Variants in SPOCK1 observed in about 807,000 individuals in gnomAD.
SPOCK1 encodes SPARC (osteonectin), cwcv and kazal like domains proteoglycan 1, also known as testican-1.
In SPOCK1, 23 loss-of-function variants were observed where a neutral mutation model predicts 55.3. The observed-to-expected ratio is 0.42, with a 90% confidence interval of 0.30 to 0.59. The LOEUF (loss-of-function observed/expected upper bound fraction) is 0.59. Among genes scored for constraint, SPOCK1 ranks in the 20% least tolerant of loss-of-function variants. SPOCK1 has a pLI of 0.22. For missense variants in SPOCK1, 499 were observed against 552.5 expected (o/e 0.90, Z 0.97); for synonymous variants, 226 against 221.0 (o/e 1.02, Z -0.20).
At chr5:137,069,817 AT>A (rs1376285327) in intron 5 of SPOCK1, among the ~76,000 whole-genome samples, 1 of 152,196 alleles carries the variant, frequency 6.6e-6, no homozygotes, top group African/African-American at 2.4e-5. Flanking sequence ...GGGAACAAAT[AT>A]ATTTTTATGT....
intron 3 of SPOCK1, among the ~76,000 whole-genome samples, chr5:137,238,984 G>C (rs1007960893): frequency 6.6e-6 from 1 of 152,158 alleles, no homozygotes; most frequent in African/African-American, 2.4e-5. Context: ...AGCATCTTTT[G>C]GTATTCACAG....
chr5:137,477,201 G>A (rs1205303882), intron 2 of SPOCK1, among the ~76,000 whole-genome samples: 2 of 152,130 alleles, frequency 1.3e-5, no homozygotes, highest in South Asian at 4.1e-4. Context: ...ATTTTAAAAC[G>A]AAGGGGGCAT....
chr5:137,309,735 T>G (rs1393413708), intron 2 of SPOCK1, among the ~76,000 whole-genome samples: 2 of 152,096 alleles, frequency 1.3e-5, no homozygotes, highest in Admixed American at 1.3e-4. Flanking sequence ...CGCTGAGCTC[T>G]AAGTTAAGGC....
intron 2 of SPOCK1, among the ~76,000 whole-genome samples, chr5:137,428,457 C>T (rs966399484): frequency 6.6e-5 from 10 of 152,046 alleles, no homozygotes; most frequent in East Asian, 3.9e-4. Flanking sequence ...GCAACTCCAC[C>T]GACTCTTCCT....
chr5:137,177,553 A>G (rs1419289918), intron 3 of SPOCK1, among the ~76,000 whole-genome samples: 1 of 152,062 alleles, frequency 6.6e-6, no homozygotes, highest in African/African-American at 2.4e-5. Flanking sequence ...ATCAGAATAC[A>G]TGCTTCAGGA....
chr5:137,484,911 T>C (rs558907420), intron 2 of SPOCK1, among the ~76,000 whole-genome samples: 2 of 152,252 alleles, frequency 1.3e-5, no homozygotes, highest in Admixed American at 6.5e-5. Flanking sequence ...TGTTGTGTTG[T>C]TACATGAAAA....
At chr5:137,229,224 G>A (rs1756004022) in intron 3 of SPOCK1, among the ~76,000 whole-genome samples, 2 of 152,034 alleles carry the variant, frequency 1.3e-5, no homozygotes, top group South Asian at 4.1e-4. Context: ...TAAGATAAAG[G>A]GGAGAAAAAA....
chr5:137,216,203 G>T (rs1755712713), intron 3 of SPOCK1, among the ~76,000 whole-genome samples: 1 of 152,162 alleles, frequency 6.6e-6, no homozygotes, highest in Non-Finnish European at 1.5e-5. Context: ...AGCAGGTGAA[G>T]GCTGTCTTGA....
chr5:137,026,096 A>T (rs575491717), intron 6 of SPOCK1, among the ~76,000 whole-genome samples: 2 of 152,374 alleles, frequency 1.3e-5, no homozygotes, highest in South Asian at 4.1e-4. Flanking sequence ...ACCTGAGGTC[A>T]TCTAGCTCTC....
chr5:137,136,487 C>T (rs1010687658), intron 4 of SPOCK1, among the ~76,000 whole-genome samples: 3 of 152,012 alleles, frequency 2.0e-5, no homozygotes, highest in Admixed American at 6.6e-5. Context: ...TTTTTATATG[C>T]AATATAGGAA....
At chr5:137,217,335 G>C (rs1755737465) in intron 3 of SPOCK1, among the ~76,000 whole-genome samples, 1 of 152,186 alleles carries the variant, frequency 6.6e-6, no homozygotes, top group Admixed American at 6.5e-5. Flanking sequence ...GTGCTGGGCA[G>C]CACTAAGCCA....
intron 2 of SPOCK1, among the ~76,000 whole-genome samples, chr5:137,400,167 C>T (rs563174453): frequency 2.0e-4 from 31 of 152,246 alleles, no homozygotes; most frequent in Middle Eastern, 3.4e-3. Context: ...CATAAGGTTG[C>T]GATCACTGTA....
chr5:137,442,278 G>A (rs371000075), intron 2 of SPOCK1, among the ~76,000 whole-genome samples: 3 of 152,140 alleles, frequency 2.0e-5, no homozygotes, highest in East Asian at 1.9e-4. Flanking sequence ...GTTCGGGGAC[G>A]GGGGAGCGGG....
At chr5:137,188,912 C>A (rs769385701) in intron 3 of SPOCK1, among the ~76,000 whole-genome samples, 1 of 152,206 alleles carries the variant, frequency 6.6e-6, no homozygotes, top group Non-Finnish European at 1.5e-5. Context: ...CCGAAACAGC[C>A]TTATTGCTGG....
At chr5:137,454,865 T>C (rs1193662046) in intron 2 of SPOCK1, among the ~76,000 whole-genome samples, 5 of 152,224 alleles carry the variant, frequency 3.3e-5, no homozygotes, top group African/African-American at 4.8e-5. Context: ...TGCTTTTAGA[T>C]GCCAGCTTTT....
chr5:137,355,947 G>A (rs1367333971), intron 2 of SPOCK1, among the ~76,000 whole-genome samples: 5 of 152,154 alleles, frequency 3.3e-5, no homozygotes, highest in South Asian at 2.1e-4. Context: ...AGGAGAACCC[G>A]CTCCTCCTGG....
intron 5 of SPOCK1, among the ~76,000 whole-genome samples, chr5:137,106,817 C>A (rs1164254006): frequency 2.0e-5 from 3 of 152,204 alleles, no homozygotes; most frequent in Non-Finnish European, 2.9e-5. Flanking sequence ...GTGGCCCCTG[C>A]AAAATGTGGC....
At chr5:137,184,727 A>C (rs976161718) in intron 3 of SPOCK1, among the ~76,000 whole-genome samples, 13 of 152,248 alleles carry the variant, frequency 8.5e-5, no homozygotes, top group Non-Finnish European at 1.3e-4. Flanking sequence ...TGAGGATCAG[A>C]AACAGGTGCA....
intron 2 of SPOCK1, among the ~76,000 whole-genome samples, chr5:137,383,719 G>A (rs767054837): frequency 7.2e-5 from 11 of 152,184 alleles, no homozygotes; most frequent in Non-Finnish European, 1.3e-4. Context: ...AGTTAACTGC[G>A]AGGTCCCTGT....
Sources: gnomAD v4.1 joint callset for allele counts (sites outside exome capture counted in the v4.1 genomes callset) on GRCh38, gnomAD v4.1.1 for gene constraint, MANE v1.5 for transcripts, NCBI Gene and HGNC (gene_info 2026-07-23, HGNC 2026-07-21) for gene names.